Variants in ARID4B observed in about 807,000 individuals in gnomAD.
ARID4B encodes AT-rich interactive domain-containing protein 4B.
ARID4B carries 26 observed loss-of-function variants against 147.5 expected under a neutral mutation model. That is an observed-to-expected ratio of 0.18 (90% confidence interval 0.13 to 0.24). The LOEUF (loss-of-function observed/expected upper bound fraction) is 0.24, where lower values mean the gene tolerates loss of function less well. Ranked by LOEUF, ARID4B falls within the 10% of genes least tolerant of loss-of-function variation. The probability of loss-of-function intolerance (pLI) is 1.00; values close to 1 mark genes in which losing one functional copy is unlikely to be tolerated. For missense variants in ARID4B, 1,179 were observed against 1,511.5 expected (o/e 0.78, Z 3.65); for synonymous variants, 512 against 507.9 (o/e 1.01, Z -0.11).
Position 235,252,827 on chromosome 1 carries a change from A to G in ARID4B, c.275-18T>C, listed in dbSNP as rs1404301986. On this transcript the variant is annotated intron_variant, in intron 5 of 23. Coordinates refer to ENST00000264183, the MANE Select transcript of ARID4B (RefSeq NM_016374.6). ...ATCAAAAACTATGAGAGGGGGTAAA[A>G]ATGGAAGCTACTGAAGGATTTTTTC... 3.7e-6 allele frequency: 6 copies of G among 1,602,572 alleles called. No homozygotes were observed. The highest frequency in any genetic ancestry group is 5.1e-6 in the Non-Finnish European group (6 of 1,173,518).
chr1:235,279,767 A>G (rs1297084868), intron 2 of ARID4B, among the ~76,000 whole-genome samples: 3 of 152,172 alleles, frequency 2.0e-5, no homozygotes, highest in Non-Finnish European at 4.4e-5. Context: ...TCATTATCAG[A>G]GTCTAGAATT....
intron 11 of ARID4B, among the ~76,000 whole-genome samples, chr1:235,225,874 AG>A (rs1667797779): frequency 6.6e-6 from 1 of 152,218 alleles, no homozygotes; most frequent in Non-Finnish European, 1.5e-5. Context: ...ATCAACTATT[AG>A]GTTTTCTAAT....
At chr1:235,268,366 T>TAC (rs1342372660) in intron 2 of ARID4B, among the ~76,000 whole-genome samples, 2 of 119,950 alleles carry the variant, frequency 1.7e-5, no homozygotes, top group African/African-American at 6.2e-5. Flanking sequence ...TGTGTATATA[T>TAC]ACATACACAC....
rs988987848 is a variant in ARID4B at position 235,214,234 on chromosome 1, T to C, written c.1584-208A>G. 2.0e-5 allele frequency among the ~76,000 whole-genome samples: 3 copies of C among 151,920 alleles called. No individual in the cohort carries two copies. In the South Asian group the frequency reaches 6.2e-4, roughly 32 times the overall value. ...TACAGAAAGACACATTTAGAGAAAA[T>C]GAAGATTCAAAAATAAGTGCAGTAA... On this transcript the variant is annotated intron_variant, in intron 16 of 23. Transcript: ENST00000264183.
chr1:235,294,257 C>T (rs1432528239), intron 2 of ARID4B, among the ~76,000 whole-genome samples: 1 of 150,474 alleles, frequency 6.6e-6, no homozygotes, highest in African/African-American at 2.4e-5. Flanking sequence ...TAAAATAATA[C>T]CTCTTTCGTT....
At chr1:235,313,188 C>T (rs529457227) in intron 2 of ARID4B, among the ~76,000 whole-genome samples, 48 of 152,172 alleles carry the variant, frequency 3.2e-4, no homozygotes, top group Non-Finnish European at 5.7e-4. Context: ...TACCACCATG[C>T]CTGGCTAATT....
At chr1:235,244,509 A>G (rs752671520) in intron 7 of ARID4B, among the ~76,000 whole-genome samples, 2 of 152,304 alleles carry the variant, frequency 1.3e-5, no homozygotes, top group South Asian at 2.1e-4. Flanking sequence ...GAGGATGATA[A>G]TCATTAAAAA....
At chr1:235,261,931 A>G (rs2103119458) in intron 2 of ARID4B, among the ~76,000 whole-genome samples, 1 of 152,330 alleles carries the variant, frequency 6.6e-6, no homozygotes, top group Admixed American at 6.5e-5. Context: ...GGGGAAATTC[A>G]CTATATTGAA....
intron 17 of ARID4B, among the ~76,000 whole-genome samples, chr1:235,204,366 A>G (rs1021298615): frequency 6.6e-6 from 1 of 152,170 alleles, no homozygotes; most frequent in Non-Finnish European, 1.5e-5. Context: ...TGATATAAAC[A>G]TTTCATATTT....
chr1:235,173,074 G>A (rs1384093222), intron 22 of ARID4B, among the ~76,000 whole-genome samples: 4 of 152,024 alleles, frequency 2.6e-5, no homozygotes, highest in Non-Finnish European at 4.4e-5. Context: ...GGCTGGGCAC[G>A]GTGGCTCACA....
Position 235,224,778 on chromosome 1 carries a change from A to G in ARID4B, c.898-3T>C. 3.2e-6 allele frequency: 5 copies of G among 1,560,748 alleles called. No individual in the cohort carries two copies. Among genetic ancestry groups the G allele is most frequent in the Non-Finnish European group, 4.4e-6 (5 of 1,138,748 alleles). On this transcript the variant is annotated splice_region_variant and splice_polypyrimidine_tract_variant and intron_variant, in intron 11 of 23. Coordinates refer to ENST00000264183, the MANE Select transcript of ARID4B (RefSeq NM_016374.6). ...TCTGGAAATGGTTCTATTTCTTCCTAATTTTAATCACAGAAGAATATTATT... is the reference window on the plus strand; with the variant it reads ...TCTGGAAATGGTTCTATTTCTTCCTGATTTTAATCACAGAAGAATATTATT...
Position 235,175,368 on chromosome 1 carries a change from A to C in ARID4B, c.3480T>G (p.Ala1160=), listed in dbSNP as rs1034159570. ...TNSSDSEELS[A]GESITKSQPV... ...GCTGACTCTTAGTTATACTTTCACCAGCTGAAAGTTCTTCACTATCACTAC... is the reference window on the plus strand; with the variant it reads ...GCTGACTCTTAGTTATACTTTCACCCGCTGAAAGTTCTTCACTATCACTAC... The change falls in exon 22 of 24, where the codon GCT becomes GCG. Residue 1160 remains alanine (A), a synonymous_variant. Coordinates refer to ENST00000264183, the MANE Select transcript of ARID4B (RefSeq NM_016374.6). 6.2e-7 allele frequency: 1 copy of C among 1,613,700 alleles called. No individual in the cohort carries two copies. Among genetic ancestry groups the C allele is most frequent in the African/African-American group, 1.3e-5 (1 of 74,928 alleles).
At chr1:235,192,057 C>T (rs771644640) in intron 19 of ARID4B, among the ~76,000 whole-genome samples, 4 of 151,790 alleles carry the variant, frequency 2.6e-5, no homozygotes, top group Non-Finnish European at 5.9e-5. Context: ...GGTGACAGAG[C>T]GAGACTCTGC....
At chr1:235,309,538 C>T (rs375512521) in intron 2 of ARID4B, among the ~76,000 whole-genome samples, 211 of 69,218 alleles carry the variant, frequency 3.0e-3, no homozygotes, top group South Asian at 8.6e-3. Flanking sequence ...CCGCCCCGTC[C>T]GGGAGGGAGG....
chr1:235,297,259 C>A (rs375467781), intron 2 of ARID4B, among the ~76,000 whole-genome samples: 2 of 152,004 alleles, frequency 1.3e-5, no homozygotes, highest in African/African-American at 4.8e-5. Context: ...TAAAACACAT[C>A]ACATACATAA....
At chr1:235,279,498 A>G (rs1208994192) in intron 2 of ARID4B, among the ~76,000 whole-genome samples, 1 of 152,248 alleles carries the variant, frequency 6.6e-6, no homozygotes, top group Non-Finnish European at 1.5e-5. Context: ...CATTATTTAA[A>G]AATTGAGAGG....
intron 22 of ARID4B, among the ~76,000 whole-genome samples, chr1:235,173,767 AAAAAATATATATATATAT>A (rs1468820927): frequency 2.2e-5 from 1 of 46,266 alleles, no homozygotes; most frequent in African/African-American, 1.3e-4. Flanking sequence ...AAAAAAAAAA[AAAAAATATATATATATAT>A]ATATATATAT....
chr1:235,255,055 A>G (rs951630733), intron 5 of ARID4B, among the ~76,000 whole-genome samples: 1 of 151,978 alleles, frequency 6.6e-6, no homozygotes, highest in Non-Finnish European at 1.5e-5. Context: ...AAGAAATACT[A>G]GGATACAGTA....
chr1:235,194,228 A>ATGTG lies in ARID4B; in HGVS notation c.1927-18_1927-17insCACA, dbSNP rs777784818. 5.8e-6 allele frequency: 9 copies of ATGTG among 1,557,412 alleles called. No individual in the cohort carries two copies. The East Asian group carries it at 2.0e-4, about 35-fold the overall frequency. The stretch of plus-strand genomic sequence containing the variant: ...TAATTTATTCTAGGTTAAGAAAAAA[A>ATGTG]GTATGTCGTAATTTATCATAAGGCA... On this transcript the variant is annotated splice_polypyrimidine_tract_variant and intron_variant, in intron 18 of 23. Transcript: ENST00000264183.
Sources: gnomAD v4.1 joint callset for allele counts (sites outside exome capture counted in the v4.1 genomes callset) on GRCh38, gnomAD v4.1.1 for gene constraint, MANE v1.5 for transcripts, NCBI Gene and HGNC (gene_info 2026-07-23, HGNC 2026-07-21) for gene names.